The following LINGO2 variants were observed in gnomAD, a reference collection of about 807,000 sequenced individuals.
LINGO2 encodes leucine rich repeat and Ig domain containing 2.
In LINGO2, 14 loss-of-function variants were observed where a neutral mutation model predicts 30.6. That is an observed-to-expected ratio of 0.46 (90% CI 0.30 to 0.72). LINGO2 has a LOEUF of 0.72. Among genes scored for constraint, LINGO2 ranks in the 30% least tolerant of loss-of-function variants. The pLI, the probability that LINGO2 is intolerant of heterozygous loss-of-function variation, is 0.07. For synonymous variants in LINGO2, 317 were observed against 288.5 expected, an observed-to-expected ratio of 1.10 and a Z score of -1.00; for missense variants, 729 against 751.7, an observed-to-expected ratio of 0.97 and a Z score of 0.35.
chr9:28,712,952 G>T, the LINGO2 span, among the ~76,000 whole-genome samples: 3 of 151,758 alleles, frequency 2.0e-5, no homozygotes, highest in Non-Finnish European at 4.4e-5. Context: ...TGCAAACTCC[G>T]CCTCCCAGAT....
At chr9:28,226,262 C>T (rs1821139647) in intron 4 of LINGO2, among the ~76,000 whole-genome samples, 1 of 152,096 alleles carries the variant, frequency 6.6e-6, no homozygotes, top group Non-Finnish European at 1.5e-5. Context: ...GTCTGGAAAG[C>T]TCAGCTACAT....
intron 4 of LINGO2, among the ~76,000 whole-genome samples, chr9:28,200,194 A>G (rs1211700887): frequency 6.6e-6 from 1 of 152,202 alleles, no homozygotes; most frequent in Non-Finnish European, 1.5e-5. Flanking sequence ...GTTCCTGCCA[A>G]TAAGGGTTTT....
At chr9:28,792,177 A>G in the LINGO2 span, among the ~76,000 whole-genome samples, 3 of 152,098 alleles carry the variant, frequency 2.0e-5, no homozygotes, top group South Asian at 6.2e-4. Context: ...GTAAATAAAG[A>G]TGCTTTTAAG....
chr9:29,023,443 A>T, the LINGO2 span, among the ~76,000 whole-genome samples: 1 of 152,118 alleles, frequency 6.6e-6, no homozygotes. Flanking sequence ...CCATTTGAAA[A>T]ATTAAATAAT....
chr9:28,148,270 G>A lies in LINGO2; in HGVS notation c.-86-135865C>T, dbSNP rs1214493877. On this transcript the variant is annotated intron_variant, in intron 4 of 5. Transcript: ENST00000379992. The surrounding 1 kb of genome is among the most constrained non-coding windows in gnomAD (Gnocchi z 5.1). ...CCCCACAGAGGGTCCTGTCTCCTGT[G>A]GTCTGGAGCCCCGCCTCAAGGAAGA... 1.3e-6 allele frequency: 1 copy of A among 770,870 alleles called. No individual in the cohort carries two copies. The highest frequency in any genetic ancestry group is 2.7e-5 in the East Asian group (1 of 36,378). The allele number at this position is 770,870 out of a possible 1,614,324, so 47.8% of individuals were successfully genotyped here.
the LINGO2 span, among the ~76,000 whole-genome samples, chr9:28,913,878 C>T: frequency 2.0e-5 from 3 of 152,036 alleles, no homozygotes; most frequent in East Asian, 5.8e-4. Flanking sequence ...TTAGATTCTG[C>T]AAAATAGAGC....
chr9:28,766,337 A>G, the LINGO2 span, among the ~76,000 whole-genome samples: 2 of 151,980 alleles, frequency 1.3e-5, no homozygotes, highest in Admixed American at 6.6e-5. Context: ...TAACAAGTAT[A>G]TGAAAAGATA....
chr9:28,574,096 GAATGT>G (rs1410934017), intron 1 of LINGO2, among the ~76,000 whole-genome samples: 6 of 152,130 alleles, frequency 3.9e-5, no homozygotes, highest in African/African-American at 1.2e-4. Context: ...GACATCGAAA[GAATGT>G]AATGTAACTT....
chr9:28,687,507 AAT>A, the LINGO2 span, among the ~76,000 whole-genome samples: 12 of 152,208 alleles, frequency 7.9e-5, no homozygotes, highest in African/African-American at 2.9e-4. Flanking sequence ...GCTGTCCTAT[AAT>A]ATGTCTTCTG....
the LINGO2 span, among the ~76,000 whole-genome samples, chr9:28,950,774 T>C: frequency 6.6e-6 from 1 of 152,142 alleles, no homozygotes; most frequent in Non-Finnish European, 1.5e-5. Context: ...AAACCTTCCA[T>C]GCTAATGGAT....
chr9:28,140,446 T>C (rs1827641063), intron 4 of LINGO2, among the ~76,000 whole-genome samples: 1 of 152,212 alleles, frequency 6.6e-6, no homozygotes, highest in Admixed American at 6.5e-5. Context: ...CCATACTTCT[T>C]ATCACTTATT....
chr9:28,436,725 G>T (rs1823955233), intron 2 of LINGO2, among the ~76,000 whole-genome samples: 1 of 152,124 alleles, frequency 6.6e-6, no homozygotes, highest in South Asian at 2.1e-4. Context: ...CCAAAGTGCT[G>T]GGATTACAGG....
At chr9:28,412,014 A>T (rs769315624) in intron 2 of LINGO2, among the ~76,000 whole-genome samples, 3 of 151,892 alleles carry the variant, frequency 2.0e-5, no homozygotes, top group Non-Finnish European at 2.9e-5. Context: ...ATAATGGTGA[A>T]GTCTGGGATT....
intron 1 of LINGO2, among the ~76,000 whole-genome samples, chr9:28,548,758 G>A (rs997498323): frequency 2.1e-4 from 25 of 117,354 alleles, no homozygotes; most frequent in Non-Finnish European, 3.7e-4. Context: ...TAGTAACATA[G>A]AAGAAAAAAT....
At chr9:28,835,549 A>G in the LINGO2 span, among the ~76,000 whole-genome samples, 2 of 152,216 alleles carry the variant, frequency 1.3e-5, no homozygotes, top group African/African-American at 2.4e-5. Flanking sequence ...AGAGACAAAT[A>G]AATGCTTATT....
At chr9:28,609,514 T>C (rs1825826660) in intron 1 of LINGO2, among the ~76,000 whole-genome samples, 1 of 152,028 alleles carries the variant, frequency 6.6e-6, no homozygotes, top group Admixed American at 6.6e-5. Flanking sequence ...AGAAAAGTTA[T>C]TGAATCTTCT....
At chr9:28,022,846 C>A (rs1439918411) in intron 4 of LINGO2, among the ~76,000 whole-genome samples, 1 of 146,128 alleles carries the variant, frequency 6.8e-6, no homozygotes, top group Non-Finnish European at 1.5e-5. Context: ...TGTCCTACAA[C>A]TCTGGATGTT....
At chr9:28,292,981 C>T (rs1180341870) in intron 4 of LINGO2, among the ~76,000 whole-genome samples, 2 of 151,820 alleles carry the variant, frequency 1.3e-5, no homozygotes, top group Admixed American at 6.6e-5. Flanking sequence ...ACCATGTTAG[C>T]CAGGATGGTC....
intron 1 of LINGO2, among the ~76,000 whole-genome samples, chr9:28,483,910 A>G (rs748030722): frequency 3.9e-5 from 6 of 152,032 alleles, no homozygotes; most frequent in Non-Finnish European, 8.8e-5. Context: ...TAGATCAATG[A>G]AGACAGCTTC....
Sources: gnomAD v4.1 joint callset for allele counts (sites outside exome capture counted in the v4.1 genomes callset) on GRCh38, gnomAD v4.1.1 for gene constraint, Gnocchi (gnomAD v3.1) non-coding constraint, MANE v1.5 for transcripts, NCBI Gene and HGNC (gene_info 2026-07-23, HGNC 2026-07-21) for gene names.